The following PASK variants were observed in gnomAD, a reference collection of about 807,000 sequenced individuals.
PASK encodes the protein PAS domain-containing serine/threonine-protein kinase.
PASK carries 110 observed loss-of-function variants against 121.0 expected under a neutral mutation model. The observed-to-expected ratio is 0.91, with a 90% CI of 0.78 to 1.06. PASK has a LOEUF of 1.06. PASK is among the 50% of genes least tolerant of loss of function. PASK has a pLI of 0.00. For synonymous variants in PASK, 686 were observed against 717.8 expected, an observed-to-expected ratio of 0.96 and a Z score of 0.71; for missense variants, 1,643 against 1,702.3, an observed-to-expected ratio of 0.97 and a Z score of 0.61.
Position 241,106,736 on chromosome 2 carries a change from G to C in PASK, c.3815-13C>G. Reference sequence around the variant, plus strand: ...AGAACTCCACTTTCTGAAGAAACAAGAAGGTAACTGTATCACGTGCTAACA... The same window carrying C: ...AGAACTCCACTTTCTGAAGAAACAACAAGGTAACTGTATCACGTGCTAACA... On this transcript the variant is annotated splice_polypyrimidine_tract_variant and intron_variant, in intron 17 of 17. Transcript: ENST00000234040. The C allele has an allele frequency of 6.2e-7, 1 of 1,613,330 alleles. No homozygotes were observed. Among genetic ancestry groups the C allele is most frequent in the East Asian group, 2.2e-5 (1 of 44,874 alleles).
In PASK at chr2:241,108,887, T is replaced by C. The variant is rs539847412; in HGVS notation, c.3534-587A>G. ...GTGGGTGTTCACACAGTGGGCCAAA[T>C]GGAGGAGCAAGCTTCAGGGAGAAGA... On this transcript the variant is annotated intron_variant, in intron 15 of 17. Coordinates refer to ENST00000234040, the MANE Select transcript of PASK (RefSeq NM_015148.4). This position sits in a 1 kb window ranked among gnomAD's most constrained non-coding sequence, Gnocchi z 5.2. 5 of 179,574 alleles carry C rather than the reference T, an allele frequency of 2.8e-5. No homozygotes were observed. The South Asian group carries it at 4.8e-4, about 17-fold the overall frequency. 11.1% of individuals were successfully genotyped at this position (179,574 alleles called of 1,614,324 possible).
rs868112800 is a variant in PASK, at chr2:241,122,119, T to C, written c.3072+613A>G. ...TGTGATACACAGATAAAGCTGGGGT[T>C]GGAGAAAAATTAAAACATTAAATGA... On this transcript the variant is annotated intron_variant, in intron 12 of 17. Coordinates refer to ENST00000234040, the MANE Select transcript of PASK (RefSeq NM_015148.4). 2.6e-5 allele frequency among the ~76,000 whole-genome samples: 4 copies of C among 152,194 alleles called. No individual in the cohort carries two copies. In the Middle Eastern group the frequency reaches 0.014, roughly 518 times the overall value.
rs574515379 is a variant in PASK, at chr2:241,108,144, T to G, written c.3667+23A>C. The G allele has an allele frequency of 5.6e-6, 9 of 1,613,868 alleles. 1 individual carries two copies. The South Asian group carries it at 7.7e-5, about 14-fold the overall frequency. On this transcript the variant is annotated intron_variant, in intron 16 of 17. Coordinates refer to ENST00000234040, the MANE Select transcript of PASK (RefSeq NM_015148.4). This position sits in a 1 kb window ranked among gnomAD's most constrained non-coding sequence, Gnocchi z 5.2. ...GTCTCTAAGGACAGTGTCGACTGTC[T>G]ACCACTTGCAGCTCACGCTCACCTT...
chr2:241,124,963 G>A (rs368731303), intron 10 of PASK, among the ~76,000 whole-genome samples: 3 of 151,818 alleles, frequency 2.0e-5, no homozygotes, highest in African/African-American at 4.8e-5. Context: ...TCAGGAGATC[G>A]AGACCATCCT....
intron 6 of PASK, among the ~76,000 whole-genome samples, chr2:241,137,573 C>T (rs1298815426): frequency 6.6e-6 from 1 of 152,170 alleles, no homozygotes; most frequent in Non-Finnish European, 1.5e-5. Context: ...GGGGCTCAGG[C>T]TCGGGGCTCA....
At chr2:241,144,130 G>A (rs939628631) in intron 1 of PASK, among the ~76,000 whole-genome samples, 5 of 152,026 alleles carry the variant, frequency 3.3e-5, no homozygotes, top group Admixed American at 3.3e-4. Flanking sequence ...GTGTGTGCGT[G>A]TGCACATGTG....
chr2:241,133,103 G>A (rs2066244755), intron 8 of PASK, 73 bp from the exon 9 acceptor site: 3 of 1,439,264 alleles, frequency 2.1e-6, no homozygotes, highest in Non-Finnish European at 2.9e-6. Context: ...CATTCGCCTG[G>A]AACTCACTGA....
In PASK at chr2:241,112,443, G is replaced by T; in HGVS notation, c.3334-4C>A. ...GGTATCCCACTGCTGACACTAGCTG[G>T]AATCAGGAGGCCAGAGGGGGCTTTT... On this transcript the variant is annotated splice_region_variant and splice_polypyrimidine_tract_variant and intron_variant, in intron 14 of 17. Transcript: ENST00000234040. This position sits in a 1 kb window ranked among gnomAD's most constrained non-coding sequence, Gnocchi z 5.2. 6.2e-7 allele frequency: 1 copy of T among 1,606,934 alleles called. No homozygotes were observed.
chr2:241,114,989 G>T, intron 14 of PASK, 54 bp downstream of exon 14: 1 of 1,613,634 alleles, frequency 6.2e-7, no homozygotes, highest in Admixed American at 1.7e-5. Context: ...GCAGCCACCG[G>T]ACCCAGGCAC....
At chr2:241,125,599 CAAAAAAAAAGAA>C (rs1163812602) in intron 10 of PASK, among the ~76,000 whole-genome samples, 41 of 56,570 alleles carry the variant, frequency 7.2e-4, no homozygotes, top group Non-Finnish European at 1.1e-3. Context: ...GACTCTGTCT[CAAAAAAAAAGAA>C]AAAAAAAAAA....
chr2:241,135,037 C>T (rs1213190004), intron 8 of PASK, among the ~76,000 whole-genome samples: 3 of 152,226 alleles, frequency 2.0e-5, no homozygotes, highest in African/African-American at 4.8e-5. Context: ...GGAGCTCAGG[C>T]GTGGGCCCTG....
At chr2:241,113,253 T>C (rs1048919507) in intron 14 of PASK, 2 of 152,334 alleles carry the variant, frequency 1.3e-5, no homozygotes, top group Middle Eastern at 3.4e-3. Flanking sequence ...TTGAGACAAA[T>C]TTATATTTAC....
chr2:241,138,683 C>A lies in PASK; in HGVS notation c.712G>T (p.Val238Phe), dbSNP rs772512917. The change falls in exon 5 of 18, where the codon GTC (valine) becomes TTC (phenylalanine). Residue 238 changes from valine (V) to phenylalanine (F), a missense_variant. Val to Phe is a conservative substitution (Grantham distance 50). This residue lies in a region of PASK where 1,176 missense variants were observed against 1,162.2 expected (regional missense o/e 1.01). Coordinates refer to ENST00000234040, the MANE Select transcript of PASK (RefSeq NM_015148.4). ...CVVVLEPVERVSTWVAFQSDG... is the reference protein window; with the variant it reads ...CVVVLEPVERFSTWVAFQSDG... Reference sequence around the variant, plus strand: ...CTCTGGAAAGCGACCCAGGTCGAGACCCTCTCCACGGGCTCCAGGACCACC... The same window carrying A: ...CTCTGGAAAGCGACCCAGGTCGAGAACCTCTCCACGGGCTCCAGGACCACC... The A allele has an allele frequency of 2.5e-6, 4 of 1,613,996 alleles. No individual in the cohort carries two copies. The African/African-American group carries it at 4.0e-5, about 16-fold the overall frequency.
At chr2:241,137,578 G>A (rs997213099) in intron 6 of PASK, among the ~76,000 whole-genome samples, 3 of 152,184 alleles carry the variant, frequency 2.0e-5, no homozygotes, top group Non-Finnish European at 1.5e-5. Flanking sequence ...TCAGGCTCGG[G>A]GCTCAGCCAC....
At chr2:241,106,857 G>T in intron 17 of PASK, 134 bp from the exon 18 acceptor site, 7 of 862,946 alleles carry the variant, frequency 8.1e-6, no homozygotes, top group Non-Finnish European at 1.3e-5. Context: ...CAATGTCCCG[G>T]AAGTACAGAT....
chr2:241,122,664 C>G, intron 12 of PASK, 68 bp downstream of exon 12: 1 of 1,483,778 alleles, frequency 6.7e-7, no homozygotes, highest in Non-Finnish European at 9.4e-7. Context: ...GGTTTGAGAA[C>G]TGGGACCAAA....
upstream of PASK, chr2:241,149,497 A>T: frequency 1.5e-6 from 1 of 682,168 alleles, no homozygotes; most frequent in Non-Finnish European, 2.4e-6. Context: ...GACCAATCGC[A>T]CAGCGACTAG....
chr2:241,117,770 G>A (rs2065437980), intron 12 of PASK, among the ~76,000 whole-genome samples: 1 of 152,132 alleles, frequency 6.6e-6, no homozygotes, highest in African/African-American at 2.4e-5. Flanking sequence ...GTTCTGAGAG[G>A]AGAAAGGCAT....
At position 241,126,578 on chromosome 2, in the gene PASK, T is replaced by A. The variant is rs1274940689; in HGVS notation, c.2337A>T (p.Pro779=). ...CCTGTTCCTGGAGACTGCCTACATC[T>A]GGATCGGAGCCCACTGCCAAGGAAG... ...TPSSLAVGSD[P]DVGSLQEQGS... The change falls in exon 10 of 18, where the codon CCA becomes CCT. Residue 779 remains proline, a synonymous_variant. Transcript: ENST00000234040. 6.2e-7 allele frequency: 1 copy of A among 1,614,234 alleles called. No individual in the cohort carries two copies. The highest frequency in any genetic ancestry group is 1.3e-5 in the African/African-American group (1 of 75,068).
Sources: allele counts gnomAD v4.1 joint callset (sites outside exome capture counted in the v4.1 genomes callset), GRCh38; gene constraint gnomAD v4.1.1; regional missense constraint gnomAD v4.1.1; non-coding constraint Gnocchi (gnomAD v3.1); transcripts MANE v1.5; gene names NCBI Gene and HGNC (gene_info 2026-07-23, HGNC 2026-07-21).